Variants in DOCK5 observed in about 807,000 individuals in gnomAD.
DOCK5 encodes dedicator of cytokinesis 5, also known as dedicator of cytokinesis protein 5.
DOCK5 carries 142 observed loss-of-function variants against 251.8 expected under a neutral mutation model. The observed-to-expected ratio is 0.56, with a 90% CI of 0.49 to 0.65. The LOEUF is 0.65. DOCK5 is among the 30% of genes least tolerant of loss of function. The pLI, the probability that DOCK5 is intolerant of heterozygous loss-of-function variation, is 0.00. For synonymous variants in DOCK5, 842 were observed against 835.5 expected (o/e 1.01, Z -0.13); for missense variants, 2,111 against 2,312.3 (o/e 0.91, Z 1.79).
Position 25,407,864 on chromosome 8 carries a change from C to CAA in DOCK5, c.5094-98_5094-97dup, listed in dbSNP as rs10606113. 1.1e-5 allele frequency: 11 copies of CAA among 987,972 alleles called. No homozygotes were observed. In the African/African-American group the frequency reaches 1.4e-4, roughly 12 times the overall value. 61.2% of individuals were successfully genotyped at this position (987,972 alleles called of 1,614,324 possible). On this transcript the variant is annotated intron_variant, in intron 48 of 51. Transcript: ENST00000276440. Reference sequence around the variant, plus strand: ...GAATGATGGGAGAAAGACCCTGTCTCAAAAAAAAAAAAAAAAAAAAAATAG... The same window carrying CAA: ...GAATGATGGGAGAAAGACCCTGTCTCAAAAAAAAAAAAAAAAAAAAAAAATAG...
At chr8:25,214,895 C>T (rs562102094) in intron 1 of DOCK5, among the ~76,000 whole-genome samples, 2 of 152,312 alleles carry the variant, frequency 1.3e-5, no homozygotes, top group South Asian at 2.1e-4. Flanking sequence ...GTGTCCTACC[C>T]TAACTTTGTT....
chr8:25,288,536 A>G (rs566206710), intron 5 of DOCK5, among the ~76,000 whole-genome samples: 2 of 152,320 alleles, frequency 1.3e-5, no homozygotes, highest in African/African-American at 4.8e-5. Context: ...ACTTGTGCAC[A>G]TGTACCCCAA....
At position 25,319,686 on chromosome 8, in the gene DOCK5, A is replaced by C; in HGVS notation, c.1542+10A>C. 1 of 1,553,166 alleles carries C rather than the reference A, an allele frequency of 6.4e-7. No homozygotes were observed. The highest frequency in any genetic ancestry group is 1.2e-5 in the South Asian group (1 of 84,680). ...GTATGAGACTGTCAAGGTGAGAATG[A>C]GTCATTTGTAACCCCTGTTATCTGT... On this transcript the variant is annotated intron_variant, in intron 15 of 51. Coordinates refer to ENST00000276440, the MANE Select transcript of DOCK5 (RefSeq NM_024940.8).
At chr8:25,369,503 GTCT>G (rs1224773188) in intron 33 of DOCK5, 50 bp from the exon 34 acceptor site, 3 of 1,526,960 alleles carry the variant, frequency 2.0e-6, no homozygotes, top group Admixed American at 2.0e-5. Flanking sequence ...AGTTGGCCAT[GTCT>G]TCTTCTAAGG....
intron 2 of DOCK5, among the ~76,000 whole-genome samples, chr8:25,267,185 G>T (rs1803778736): frequency 6.6e-6 from 1 of 152,086 alleles, no homozygotes; most frequent in South Asian, 2.1e-4. Context: ...GCTTAGCTTA[G>T]TATCCTTCTT....
intron 50 of DOCK5, 85 bp from the exon 51 acceptor site, chr8:25,410,014 T>C: frequency 8.8e-7 from 1 of 1,131,366 alleles, no homozygotes; most frequent in Non-Finnish European, 1.3e-6. Flanking sequence ...CCAGGTTGGC[T>C]TAGGTGTTAC....
intron 34 of DOCK5, among the ~76,000 whole-genome samples, chr8:25,372,053 A>C (rs377522178): frequency 6.6e-6 from 1 of 152,132 alleles, no homozygotes; most frequent in Non-Finnish European, 1.5e-5. Context: ...ATTGCAGGAG[A>C]TGTACTAGGT....
At chr8:25,187,784 C>G (rs181081189) in intron 1 of DOCK5, among the ~76,000 whole-genome samples, 1 of 152,146 alleles carries the variant, frequency 6.6e-6, no homozygotes, top group Non-Finnish European at 1.5e-5. Context: ...CCTGCAGAGT[C>G]CCTCCTTTGG....
chr8:25,205,720 G>A (rs1801985379), intron 1 of DOCK5, among the ~76,000 whole-genome samples: 1 of 152,196 alleles, frequency 6.6e-6, no homozygotes, highest in African/African-American at 2.4e-5. Flanking sequence ...TGAGTTTGCA[G>A]GTCTAGAATT....
chr8:25,228,175 C>T (rs958341574), intron 1 of DOCK5, among the ~76,000 whole-genome samples: 5 of 152,128 alleles, frequency 3.3e-5, no homozygotes, highest in African/African-American at 1.2e-4. Context: ...CCATGCCTGG[C>T]CATTTTCTGT....
At chr8:25,392,727 A>C in intron 43 of DOCK5, 69 bp from the exon 44 acceptor site, 1 of 1,349,378 alleles carries the variant, frequency 7.4e-7, no homozygotes, top group Non-Finnish European at 1.0e-6. Flanking sequence ...TTCCCTGGGA[A>C]TTGACCAACA....
At chr8:25,274,389 C>T (rs755829487) in intron 3 of DOCK5, among the ~76,000 whole-genome samples, 1 of 152,218 alleles carries the variant, frequency 6.6e-6, no homozygotes, top group Non-Finnish European at 1.5e-5. Context: ...AACAGATCAG[C>T]ATCACTGTCT....
chr8:25,207,532 G>T (rs530796922), intron 1 of DOCK5, among the ~76,000 whole-genome samples: 1 of 152,208 alleles, frequency 6.6e-6, no homozygotes, highest in African/African-American at 2.4e-5. Context: ...AAAATCTGAG[G>T]GCCCTTAACA....
chr8:25,371,671 G>A (rs1207202918), intron 34 of DOCK5, among the ~76,000 whole-genome samples: 1 of 152,096 alleles, frequency 6.6e-6, no homozygotes, highest in Non-Finnish European at 1.5e-5. Context: ...ATTAAATGAA[G>A]TTATGCACAT....
chr8:25,280,244 TG>T (rs916723151), intron 5 of DOCK5, among the ~76,000 whole-genome samples: 6 of 152,224 alleles, frequency 3.9e-5, no homozygotes, highest in African/African-American at 1.4e-4. Flanking sequence ...AGACCAGACT[TG>T]ATGGCCTGGG....
At chr8:25,252,352 G>A (rs1208636668) in intron 2 of DOCK5, among the ~76,000 whole-genome samples, 1 of 152,140 alleles carries the variant, frequency 6.6e-6, no homozygotes, top group Non-Finnish European at 1.5e-5. Flanking sequence ...GGGTGTCCAA[G>A]GTATTTGTAA....
intron 18 of DOCK5, among the ~76,000 whole-genome samples, chr8:25,326,584 C>T (rs1007170116): frequency 1.8e-4 from 28 of 152,248 alleles, no homozygotes; most frequent in African/African-American, 2.6e-4. Flanking sequence ...CAACATACCC[C>T]GTGTTATGGA....
At chr8:25,301,956 T>C (rs1804776957) in intron 9 of DOCK5, among the ~76,000 whole-genome samples, 1 of 152,228 alleles carries the variant, frequency 6.6e-6, no homozygotes, top group Non-Finnish European at 1.5e-5. Flanking sequence ...TTTTACTTCA[T>C]TTGATGTTGA....
intron 5 of DOCK5, among the ~76,000 whole-genome samples, chr8:25,287,356 G>A (rs924005359): frequency 1.6e-4 from 24 of 152,040 alleles, no homozygotes; most frequent in African/African-American, 5.3e-4. Context: ...AACCCAGGAG[G>A]TGGAGGTTGC....
Sources: gnomAD v4.1 joint callset for allele counts (sites outside exome capture counted in the v4.1 genomes callset) on GRCh38, gnomAD v4.1.1 for gene constraint, MANE v1.5 for transcripts, NCBI Gene and HGNC (gene_info 2026-07-23, HGNC 2026-07-21) for gene names.